Variants in GGACT observed in about 807,000 individuals in gnomAD.
GGACT encodes gamma-glutamylaminecyclotransferase.
For missense variants in GGACT, 241 were observed against 233.2 expected, an observed-to-expected ratio of 1.03 and a Z score of -0.22; for synonymous variants, 118 against 115.3, an observed-to-expected ratio of 1.02 and a Z score of -0.15.
At chr13:100,562,320 A>G (rs1440150115) in intron 2 of GGACT, among the ~76,000 whole-genome samples, 1 of 151,958 alleles carries the variant, frequency 6.6e-6, no homozygotes, top group African/African-American at 2.4e-5. Context: ...TTTTGCACAG[A>G]AAAAAAAATT....
At chr13:100,565,718 C>T (rs1459669982) in intron 2 of GGACT, among the ~76,000 whole-genome samples, 1 of 152,108 alleles carries the variant, frequency 6.6e-6, no homozygotes, top group Admixed American at 6.5e-5. Context: ...AGAGTGATAC[C>T]TCCAACATGC....
chr13:100,576,020 T>A (rs888148396), intron 2 of GGACT, among the ~76,000 whole-genome samples: 1 of 152,232 alleles, frequency 6.6e-6, no homozygotes, highest in African/African-American at 2.4e-5. Flanking sequence ...TGAATTCAGT[T>A]ATTATTTTGT....
chr13:100,546,361 CAAAAAAAAAAAAA>C (rs778470021), intron 2 of GGACT, among the ~76,000 whole-genome samples: 2 of 54,624 alleles, frequency 3.7e-5, no homozygotes, highest in East Asian at 5.8e-4. Flanking sequence ...GACTCTGTCT[CAAAAAAAAAAAAA>C]AAAAAAAAAA....
intron 2 of GGACT, among the ~76,000 whole-genome samples, chr13:100,550,352 A>C (rs9585457): frequency 0.083 from 1,946 of 23,564 alleles, 297 homozygotes; most frequent in African/African-American, 0.18. Context: ...ACACACACAC[A>C]CACCACTGGC....
At chr13:100,578,144 C>T (rs909486651) in intron 2 of GGACT, among the ~76,000 whole-genome samples, 9 of 152,240 alleles carry the variant, frequency 5.9e-5, no homozygotes, top group South Asian at 2.1e-4. Context: ...GGGAAATGTC[C>T]GAACACCAAG....
intron 2 of GGACT, among the ~76,000 whole-genome samples, chr13:100,542,513 A>G (rs765249303): frequency 3.3e-5 from 5 of 152,156 alleles, no homozygotes; most frequent in Non-Finnish European, 5.9e-5. Flanking sequence ...TGAGACCTTA[A>G]CATCAGTTTG....
At position 100,530,533 on chromosome 13, in the gene GGACT, T is replaced by C. The variant is rs538420894; in HGVS notation, c.*1597A>G. ...ATTTCTTTGTGATCCTTTTAAGAGA[T>C]TGATATAAATGTCAGTCAGTTCTCT... On this transcript the variant is annotated 3_prime_UTR_variant, in exon 3 of 3. Transcript: ENST00000683975. 3.6e-5 allele frequency: 13 copies of C among 364,030 alleles called. No homozygotes were observed. The highest frequency in any genetic ancestry group is 1.2e-4 in the South Asian group (5 of 40,290). The allele number at this position is 364,030 out of a possible 1,614,324, so 22.5% of individuals were successfully genotyped here.
At chr13:100,559,564 G>A (rs1447233469) in intron 2 of GGACT, among the ~76,000 whole-genome samples, 1 of 151,798 alleles carries the variant, frequency 6.6e-6, no homozygotes, top group Non-Finnish European at 1.5e-5. Flanking sequence ...GCAACATCTC[G>A]GCTCACTGCA....
intron 2 of GGACT, among the ~76,000 whole-genome samples, chr13:100,560,190 T>C (rs921262529): frequency 6.6e-6 from 1 of 152,108 alleles, no homozygotes; most frequent in Non-Finnish European, 1.5e-5. Flanking sequence ...CATGAGTATA[T>C]ATATTTATCA....
intron 2 of GGACT, chr13:100,537,974 T>G (rs2088513459): frequency 6.6e-6 from 1 of 152,204 alleles, no homozygotes; most frequent in South Asian, 2.1e-4. Flanking sequence ...AGGATAGTGT[T>G]TCTGAAGAAG....
chr13:100,539,966 G>C, intron 2 of GGACT: 1 of 1,545,124 alleles, frequency 6.5e-7, no homozygotes, highest in Non-Finnish European at 8.8e-7. Flanking sequence ...GGGGGTGTTC[G>C]GTCCTTGCGG....
rs1333870808 is a variant in GGACT, at chr13:100,530,598, T to G, written c.*1532A>C. 3 of 287,260 alleles carry G rather than the reference T, an allele frequency of 1.0e-5. No individual in the cohort carries two copies. The highest frequency in any genetic ancestry group is 9.7e-5 in the South Asian group (3 of 30,836). The allele number at this position is 287,260 out of a possible 1,614,324, so 17.8% of individuals were successfully genotyped here. ...AATTAGCACTTGCCATTTTTTCATC[T>G]GATTGCCTTACTACTTCTAGAAGTG... On this transcript the variant is annotated 3_prime_UTR_variant, in exon 3 of 3. Coordinates refer to ENST00000683975, the MANE Select transcript of GGACT (RefSeq NM_001195087.2).
chr13:100,536,603 C>T (rs1163615253), intron 2 of GGACT: 1 of 151,848 alleles, frequency 6.6e-6, no homozygotes, highest in Non-Finnish European at 1.5e-5. Context: ...TCTCCTAACT[C>T]CCTCTTTTCT....
At chr13:100,551,147 G>A (rs2088659810) in intron 2 of GGACT, among the ~76,000 whole-genome samples, 1 of 152,078 alleles carries the variant, frequency 6.6e-6, no homozygotes, top group Non-Finnish European at 1.5e-5. Context: ...AGCCGGGTGT[G>A]GTGGCGGGCG....
intron 2 of GGACT, among the ~76,000 whole-genome samples, chr13:100,551,147 G>C (rs2088659810): frequency 6.6e-6 from 1 of 152,196 alleles, no homozygotes; most frequent in East Asian, 1.9e-4. Context: ...AGCCGGGTGT[G>C]GTGGCGGGCG....
chr13:100,535,359 G>A (rs544565407), intron 2 of GGACT, among the ~76,000 whole-genome samples: 1 of 152,344 alleles, frequency 6.6e-6, no homozygotes, highest in South Asian at 2.1e-4. Flanking sequence ...ACTTCTTGAT[G>A]TCTTAAATCA....
intron 2 of GGACT, among the ~76,000 whole-genome samples, chr13:100,572,830 C>T (rs1328939322): frequency 1.3e-5 from 2 of 152,172 alleles, no homozygotes; most frequent in African/African-American, 4.8e-5. Flanking sequence ...ATGCATTTTG[C>T]TGCCCAGAGC....
intron 2 of GGACT, among the ~76,000 whole-genome samples, chr13:100,540,466 G>A (rs561597941): frequency 1.3e-5 from 2 of 152,274 alleles, no homozygotes; most frequent in South Asian, 2.1e-4. Flanking sequence ...TGTTCTGTAG[G>A]ACGTGATGTT....
chr13:100,568,428 C>T (rs533174118), intron 2 of GGACT, among the ~76,000 whole-genome samples: 1 of 152,316 alleles, frequency 6.6e-6, no homozygotes, highest in South Asian at 2.1e-4. Context: ...GAATGAGTGC[C>T]CAGTGAAGGG....
Sources: allele counts gnomAD v4.1 joint callset (sites outside exome capture counted in the v4.1 genomes callset), GRCh38; gene constraint gnomAD v4.1.1; transcripts MANE v1.5; gene names NCBI Gene and HGNC (gene_info 2026-07-23, HGNC 2026-07-21).